The following FGF2 variants were observed in gnomAD, a reference collection of about 807,000 sequenced individuals.
FGF2 encodes fibroblast growth factor 2, also known as basic fibroblast growth factor bFGF.
Under a neutral mutation model 15.9 loss-of-function variants are expected in FGF2, and 13 were observed. The observed-to-expected ratio is 0.82, with a 90% confidence interval of 0.53 to 1.30. FGF2 has a LOEUF of 1.30. FGF2 is among the 50% of genes most tolerant of loss of function. The pLI is 0.00. For synonymous variants in FGF2, 90 were observed against 78.4 expected (o/e 1.15, Z -0.78); for missense variants, 163 against 196.9 (o/e 0.83, Z 1.03).
At chr4:122,849,496 A>T (rs1726183188) in intron 1 of FGF2, among the ~76,000 whole-genome samples, 1 of 152,102 alleles carries the variant, frequency 6.6e-6, no homozygotes, top group African/African-American at 2.4e-5. Context: ...GAAATACCTA[A>T]TGTAGATGAC....
intron 1 of FGF2, among the ~76,000 whole-genome samples, chr4:122,862,323 T>C (rs1726488603): frequency 6.6e-6 from 1 of 152,224 alleles, no homozygotes. Context: ...TCCCTTACAC[T>C]GCTGATAAAT....
rs1404788364 is a variant in FGF2, at chr4:122,894,181, TATA to T, written c.*1788_*1790del. On this transcript the variant is annotated 3_prime_UTR_variant, in exon 3 of 3. Coordinates refer to ENST00000644866, the MANE Select transcript of FGF2 (RefSeq NM_001361665.2). ...GCTATGGAAAGATGCATAGAAAGAG[TATA>T]ATGTTTTAAAACATAAGGCATTTGT... is the stretch of plus-strand genomic sequence containing the variant. 1 of 152,126 alleles carries T rather than the reference TATA, an allele frequency of 6.6e-6. No individual in the cohort carries two copies. The highest frequency in any genetic ancestry group is 2.4e-5 in the African/African-American group (1 of 41,422). The allele number at this position is 152,126 out of a possible 1,614,324, so 9.4% of individuals were successfully genotyped here.
At position 122,893,516 on chromosome 4, in the gene FGF2, CT is replaced by C; in HGVS notation, c.*1125del. 1 of 272,102 alleles carries C rather than the reference CT, an allele frequency of 3.7e-6. No individual in the cohort carries two copies. The highest frequency in any genetic ancestry group is 6.8e-6 in the Non-Finnish European group (1 of 147,620). 16.9% of individuals were successfully genotyped at this position (272,102 alleles called of 1,614,324 possible). On this transcript the variant is annotated 3_prime_UTR_variant, in exon 3 of 3. Coordinates refer to ENST00000644866, the MANE Select transcript of FGF2 (RefSeq NM_001361665.2). ...CAGCTCTTTTTAACTTCTTGCTGCT[CT>C]TTTTCCCAAAAGGTAAAAATATAGA... is the stretch of plus-strand genomic sequence containing the variant.
At position 122,827,190 on chromosome 4, in the gene FGF2, A is replaced by G; in HGVS notation, c.16A>G (p.Ile6Val). 2 of 1,595,844 alleles carry G rather than the reference A, an allele frequency of 1.3e-6. No homozygotes were observed. The highest frequency in any genetic ancestry group is 1.7e-6 in the Non-Finnish European group (2 of 1,173,290). The change falls in exon 1 of 3, where the codon ATC becomes GTC. Residue 6 changes from isoleucine (I) to valine (V), a missense_variant. Transcript: ENST00000644866. The surrounding 1 kb of genome is among the most constrained non-coding windows in gnomAD (Gnocchi z 4.2). MAAGS[I>V]TTLPALPEDG... ...CGCAGGGACCATGGCAGCCGGGAGC[A>G]TCACCACGCTGCCCGCCTTGCCCGA...
intron 1 of FGF2, among the ~76,000 whole-genome samples, chr4:122,848,983 T>C (rs113878116): frequency 0.025 from 3,793 of 152,260 alleles, 175 homozygotes; most frequent in African/African-American, 0.086. Flanking sequence ...GTGTTCTTTG[T>C]ACTGTGGATC....
At chr4:122,834,225 C>T (rs1725820636) in intron 1 of FGF2, among the ~76,000 whole-genome samples, 1 of 152,030 alleles carries the variant, frequency 6.6e-6, no homozygotes, top group Non-Finnish European at 1.5e-5. Flanking sequence ...ACTTCTGTGG[C>T]TCCACCCCAT....
Position 122,827,938 on chromosome 4 carries a change from T to G in FGF2, c.178+586T>G, listed in dbSNP as rs1202174288. The stretch of plus-strand genomic sequence containing the variant: ...GCCAACCAGCAAAAAATCCAGATGT[T>G]GTTAATAAAGTGCCATAGCTTTGTT... On this transcript the variant is annotated intron_variant, in intron 1 of 2. Coordinates refer to ENST00000644866, the MANE Select transcript of FGF2 (RefSeq NM_001361665.2). This position sits in a 1 kb window ranked among gnomAD's most constrained non-coding sequence, Gnocchi z 4.2. 6.6e-6 allele frequency among the ~76,000 whole-genome samples: 1 copy of G among 152,176 alleles called. No individual in the cohort carries two copies. Among genetic ancestry groups the G allele is most frequent in the African/African-American group, 2.4e-5 (1 of 41,434 alleles).
intron 2 of FGF2, among the ~76,000 whole-genome samples, chr4:122,886,202 G>A (rs1727056569): frequency 6.6e-6 from 1 of 152,140 alleles, no homozygotes; most frequent in Non-Finnish European, 1.5e-5. Flanking sequence ...TGACAAGTGT[G>A]AGCCATTGCA....
chr4:122,883,539 C>T (rs1005582480), intron 2 of FGF2, among the ~76,000 whole-genome samples: 2 of 152,166 alleles, frequency 1.3e-5, no homozygotes, highest in African/African-American at 4.8e-5. Flanking sequence ...ACTTCTTACT[C>T]CATTCCATAG....
intron 1 of FGF2, among the ~76,000 whole-genome samples, chr4:122,853,470 A>G (rs1252686097): frequency 6.6e-6 from 1 of 152,208 alleles, no homozygotes; most frequent in African/African-American, 2.4e-5. Flanking sequence ...ATGCTGAGGT[A>G]GAGTAAAAAC....
chr4:122,843,835 T>C (rs368764665), intron 1 of FGF2, among the ~76,000 whole-genome samples: 3 of 152,230 alleles, frequency 2.0e-5, no homozygotes, highest in African/African-American at 4.8e-5. Context: ...GAAAAGATAC[T>C]GTATTTTTAA....
At chr4:122,832,862 G>A (rs771026834) in intron 1 of FGF2, among the ~76,000 whole-genome samples, 7 of 152,006 alleles carry the variant, frequency 4.6e-5, no homozygotes, top group South Asian at 2.1e-4. Context: ...AATAATGACC[G>A]CCAACAAGGC....
At chr4:122,875,632 C>T (rs541820796) in intron 1 of FGF2, among the ~76,000 whole-genome samples, 7 of 152,158 alleles carry the variant, frequency 4.6e-5, no homozygotes, top group East Asian at 1.9e-4. Context: ...ATGGTGAAAC[C>T]GCGTCTCTAC....
intron 2 of FGF2, among the ~76,000 whole-genome samples, chr4:122,890,967 G>A (rs2150792113): frequency 6.6e-6 from 1 of 151,134 alleles, no homozygotes; most frequent in Middle Eastern, 3.4e-3. Flanking sequence ...TCCCCTTTGA[G>A]GTCAGTAAGT....
At position 122,892,650 on chromosome 4, in the gene FGF2, T is replaced by C. The variant is rs1050732403; in HGVS notation, c.*254T>C. 2 of 1,408,694 alleles carry C rather than the reference T, an allele frequency of 1.4e-6. No individual in the cohort carries two copies. The highest frequency in any genetic ancestry group is 1.6e-5 in the South Asian group (1 of 63,190). 87.3% of individuals were successfully genotyped at this position (1,408,694 alleles called of 1,614,324 possible). On this transcript the variant is annotated 3_prime_UTR_variant, in exon 3 of 3. Coordinates refer to ENST00000644866, the MANE Select transcript of FGF2 (RefSeq NM_001361665.2). The stretch of plus-strand genomic sequence containing the variant: ...AGCTTACCTAGAGCAATGATCTTTT[T>C]CACGCATTTGCTTTATTCGAAAAGA...
Position 122,826,916 on chromosome 4 carries a change from G to T in FGF2, c.-259G>T, listed in dbSNP as rs1269116174. On this transcript the variant is annotated 5_prime_UTR_variant, in exon 1 of 3. Transcript: ENST00000644866. ...AGGCGGCTCTCCCCAGGCGGCGTCC[G>T]CGGAGACACCCATCCGTGAACCCCA... The T allele has an allele frequency of 1.3e-6, 2 of 1,497,184 alleles. No homozygotes were observed. Among genetic ancestry groups the T allele is most frequent in the Admixed American group, 2.0e-5 (1 of 49,046 alleles). The allele number at this position is 1,497,184 out of a possible 1,614,324, so 92.7% of individuals were successfully genotyped here. A position where few individuals can be genotyped will look rare whatever the true frequency, so the allele number is the denominator to read the frequency against.
intron 1 of FGF2, among the ~76,000 whole-genome samples, chr4:122,875,124 T>C (rs865849860): frequency 3.3e-5 from 5 of 152,150 alleles, no homozygotes; most frequent in African/African-American, 1.2e-4. Flanking sequence ...CAAAAATATA[T>C]TTGGGGGAAT....
intron 1 of FGF2, among the ~76,000 whole-genome samples, chr4:122,871,881 G>C (rs1168892370): frequency 6.7e-6 from 1 of 148,884 alleles, no homozygotes; most frequent in Non-Finnish European, 1.5e-5. Flanking sequence ...CAGCCTCAAA[G>C]ACTGAAAATA....
chr4:122,834,184 G>A (rs557218158), intron 1 of FGF2, among the ~76,000 whole-genome samples: 1 of 152,202 alleles, frequency 6.6e-6, no homozygotes, highest in African/African-American at 2.4e-5. Flanking sequence ...CCGAACAGGA[G>A]AGACCAGTCT....
Sources: allele counts gnomAD v4.1 joint callset (sites outside exome capture counted in the v4.1 genomes callset), GRCh38; gene constraint gnomAD v4.1.1; non-coding constraint Gnocchi (gnomAD v3.1); transcripts MANE v1.5; gene names NCBI Gene and HGNC (gene_info 2026-07-23, HGNC 2026-07-21).